The following CADM2 variants were observed in gnomAD, a reference collection of about 807,000 sequenced individuals.
The protein encoded by CADM2 is immunoglobulin superfamily member 4D.
In CADM2, 12 loss-of-function variants were observed where a neutral mutation model predicts 49.8. The ratio of observed to expected loss-of-function variants is 0.24; its 90% CI spans 0.15 to 0.39. The LOEUF is 0.39. Ranked by LOEUF, CADM2 falls within the 10% of genes least tolerant of loss-of-function variation. CADM2 has a pLI of 1.00. For synonymous variants in CADM2, 214 were observed against 175.4 expected (o/e 1.22, Z -1.74); for missense variants, 378 against 492.3 (o/e 0.77, Z 2.20).
chr3:86,037,067 T>C (rs1735256266), intron 8 of CADM2, among the ~76,000 whole-genome samples: 2 of 152,224 alleles, frequency 1.3e-5, no homozygotes, highest in South Asian at 4.1e-4. Flanking sequence ...GTCTAACTTA[T>C]CTATTTTATG....
At chr3:85,598,934 TAGA>T (rs1252832596) in intron 1 of CADM2, among the ~76,000 whole-genome samples, 3 of 152,002 alleles carry the variant, frequency 2.0e-5, no homozygotes, top group African/African-American at 7.2e-5. Flanking sequence ...TCAATATATA[TAGA>T]AGAACTCTGT....
chr3:86,040,343 T>G (rs1735712755), intron 8 of CADM2, among the ~76,000 whole-genome samples: 1 of 151,962 alleles, frequency 6.6e-6, no homozygotes, highest in Admixed American at 6.6e-5. Flanking sequence ...GAAAAAAAAT[T>G]AGATGAATGG....
At chr3:85,207,939 C>T (rs1474126214) in intron 1 of CADM2, among the ~76,000 whole-genome samples, 2 of 152,060 alleles carry the variant, frequency 1.3e-5, no homozygotes, top group Admixed American at 6.5e-5. Flanking sequence ...TCATCATGAA[C>T]CTCTATTGCA....
intron 2 of CADM2, among the ~76,000 whole-genome samples, chr3:85,761,077 C>G (rs1398186513): frequency 6.6e-6 from 1 of 152,108 alleles, no homozygotes; most frequent in African/African-American, 2.4e-5. Context: ...AAGTCCCTAT[C>G]AGGATTACCT....
intron 2 of CADM2, among the ~76,000 whole-genome samples, chr3:85,785,266 T>C (rs187477350): frequency 6.6e-6 from 1 of 152,250 alleles, no homozygotes; most frequent in Admixed American, 6.6e-5. Flanking sequence ...TAGTGTCAGA[T>C]TCATTTATTT....
chr3:85,396,678 T>A (rs2107419855), intron 1 of CADM2, among the ~76,000 whole-genome samples: 1 of 152,190 alleles, frequency 6.6e-6, no homozygotes, highest in South Asian at 2.1e-4. Context: ...AAGGACAGTC[T>A]GTTCAATAAA....
At chr3:85,431,153 T>A (rs2036643924) in intron 1 of CADM2, among the ~76,000 whole-genome samples, 2 of 152,140 alleles carry the variant, frequency 1.3e-5, no homozygotes, top group Admixed American at 1.3e-4. Context: ...ATAACATATT[T>A]CGCAGGTTTG....
chr3:85,115,329 C>T (rs1031143478), intron 1 of CADM2, among the ~76,000 whole-genome samples: 2 of 152,146 alleles, frequency 1.3e-5, no homozygotes, highest in African/African-American at 4.8e-5. Context: ...ACTGTTGCCT[C>T]CGTAAGACTG....
chr3:85,786,667 C>T (rs1437183482), intron 2 of CADM2, among the ~76,000 whole-genome samples: 2 of 152,012 alleles, frequency 1.3e-5, no homozygotes, highest in South Asian at 4.2e-4. Flanking sequence ...AAGGTACTAT[C>T]ATTTGAACAC....
chr3:85,492,114 C>T (rs751424849), intron 1 of CADM2, among the ~76,000 whole-genome samples: 2 of 151,956 alleles, frequency 1.3e-5, no homozygotes, highest in Non-Finnish European at 2.9e-5. Context: ...AAAACAAATC[C>T]CTATTTTCCT....
chr3:85,397,893 A>G (rs999391613), intron 1 of CADM2, among the ~76,000 whole-genome samples: 1 of 152,226 alleles, frequency 6.6e-6, no homozygotes, highest in Admixed American at 6.5e-5. Flanking sequence ...TAAATATTTT[A>G]CCACAATTAA....
chr3:84,964,384 GC>G (rs1332269623), intron 1 of CADM2, among the ~76,000 whole-genome samples: 1 of 152,178 alleles, frequency 6.6e-6, no homozygotes, highest in East Asian at 1.9e-4. Context: ...AGACAAGTAA[GC>G]CTTATTTACT....
chr3:85,724,877 T>C (rs1331180225), intron 1 of CADM2, among the ~76,000 whole-genome samples: 2 of 151,936 alleles, frequency 1.3e-5, no homozygotes, highest in Non-Finnish European at 2.9e-5. Flanking sequence ...GGAATGTAGA[T>C]TTTTGATGAA....
At chr3:85,250,909 T>TACAGG (rs1415116104) in intron 1 of CADM2, among the ~76,000 whole-genome samples, 1 of 151,776 alleles carries the variant, frequency 6.6e-6, no homozygotes, top group East Asian at 1.9e-4. Context: ...TTTCCTCTGT[T>TACAGG]ACAAAGGTGT....
rs1294220947 is a variant in CADM2, at chr3:86,067,198, A to G, written c.*415A>G. 1 of 158,268 alleles carries G rather than the reference A, an allele frequency of 6.3e-6. No homozygotes were observed. The highest frequency in any genetic ancestry group is 1.4e-5 in the Non-Finnish European group (1 of 71,670). 9.8% of individuals were successfully genotyped at this position (158,268 alleles called of 1,614,324 possible). Reference sequence around the variant, plus strand: ...GACAGCTTTCACAAGTAACAGGATTAGGGAAGGACATAATGTATTTAAGAA... The same window carrying G: ...GACAGCTTTCACAAGTAACAGGATTGGGGAAGGACATAATGTATTTAAGAA... On this transcript the variant is annotated 3_prime_UTR_variant, in exon 10 of 10. Coordinates refer to ENST00000383699, the MANE Select transcript of CADM2 (RefSeq NM_001167675.2).
chr3:85,429,930 TTAGAAAAAGTCTGC>T (rs1299131868), intron 1 of CADM2, among the ~76,000 whole-genome samples: 1 of 152,108 alleles, frequency 6.6e-6, no homozygotes, highest in African/African-American at 2.4e-5. Context: ...CTGGCTCCTT[TTAGAAAAAGTCTGC>T]TGAGTTCTGA....
At chr3:85,088,211 G>T (rs1300961830) in intron 1 of CADM2, among the ~76,000 whole-genome samples, 1 of 151,976 alleles carries the variant, frequency 6.6e-6, no homozygotes, top group African/African-American at 2.4e-5. Flanking sequence ...ATTCATATTG[G>T]TTCTTGCCGC....
chr3:85,530,863 A>C (rs2106954010), intron 1 of CADM2, among the ~76,000 whole-genome samples: 1 of 112,874 alleles, frequency 8.9e-6, no homozygotes, highest in South Asian at 2.8e-4. Flanking sequence ...GGTTTATGTA[A>C]AAATACACAC....
intron 8 of CADM2, among the ~76,000 whole-genome samples, chr3:86,010,491 A>G (rs998480198): frequency 6.6e-6 from 1 of 151,486 alleles, no homozygotes; most frequent in African/African-American, 2.4e-5. Flanking sequence ...ATGAATATTT[A>G]GGAATAACCT....
Sources: gnomAD v4.1 joint callset for allele counts (sites outside exome capture counted in the v4.1 genomes callset) on GRCh38, gnomAD v4.1.1 for gene constraint, MANE v1.5 for transcripts, NCBI Gene and HGNC (gene_info 2026-07-23, HGNC 2026-07-21) for gene names.